The following MEMO1 variants were observed in gnomAD, a reference collection of about 807,000 sequenced individuals.
MEMO1 encodes mediator of cell motility 1.
Under a neutral mutation model 45.2 loss-of-function variants are expected in MEMO1, and 6 were observed. That is an observed-to-expected ratio of 0.13 (90% CI 0.07 to 0.26). The LOEUF is 0.26. Ranked by LOEUF, MEMO1 falls within the 10% of genes least tolerant of loss-of-function variation. The probability of loss-of-function intolerance (pLI) is 1.00; values close to 1 mark genes in which losing one functional copy is unlikely to be tolerated. For synonymous variants in MEMO1, 78 were observed against 124.3 expected, an observed-to-expected ratio of 0.63 and a Z score of 2.48; for missense variants, 184 against 370.5, an observed-to-expected ratio of 0.50 and a Z score of 4.13.
chr2:31,885,238 A>G (rs1036479111), intron 7 of MEMO1, among the ~76,000 whole-genome samples: 2 of 151,856 alleles, frequency 1.3e-5, no homozygotes, highest in Admixed American at 6.6e-5. Flanking sequence ...TCCTGCCTCA[A>G]CCTCCCGAGT....
intron 4 of MEMO1, among the ~76,000 whole-genome samples, chr2:31,927,694 A>T (rs1683313889): frequency 6.6e-6 from 1 of 151,780 alleles, no homozygotes; most frequent in Non-Finnish European, 1.5e-5. Flanking sequence ...TTCTATTAGA[A>T]AATGTATTTA....
chr2:31,907,067 A>G (rs988207459), intron 6 of MEMO1, among the ~76,000 whole-genome samples: 3 of 152,160 alleles, frequency 2.0e-5, no homozygotes, highest in Non-Finnish European at 4.4e-5. Context: ...CTTTCCTACT[A>G]CTAAATACTT....
chr2:31,984,153 G>T (rs949751051), intron 2 of MEMO1, among the ~76,000 whole-genome samples: 2 of 152,130 alleles, frequency 1.3e-5, no homozygotes, highest in Non-Finnish European at 2.9e-5. Flanking sequence ...ACAGAATACG[G>T]CAAAAGGAAG....
At chr2:31,963,131 C>G in intron 2 of MEMO1, 1 of 1,503,886 alleles carries the variant, frequency 6.6e-7, no homozygotes, top group Non-Finnish European at 8.9e-7. Context: ...ACCATTAGCT[C>G]TCCCATTTCT....
At chr2:31,909,433 G>GA (rs1680250193) in intron 6 of MEMO1, among the ~76,000 whole-genome samples, 1 of 152,034 alleles carries the variant, frequency 6.6e-6, no homozygotes, top group Non-Finnish European at 1.5e-5. Flanking sequence ...AATCAACACA[G>GA]AAAAATCAGT....
At chr2:31,946,846 A>G (rs1397378049) in intron 2 of MEMO1, among the ~76,000 whole-genome samples, 1 of 152,220 alleles carries the variant, frequency 6.6e-6, no homozygotes, top group Non-Finnish European at 1.5e-5. Context: ...ATTGCAAAAA[A>G]AAGAAAAACT....
chr2:31,868,272 A>G lies in MEMO1; in HGVS notation c.*89T>C. The stretch of plus-strand genomic sequence containing the variant: ...AGTTTGAGGTTTCAGAATCCCCCCA[A>G]ACCAGGACCAGTATCGTGGTAAAGG... On this transcript the variant is annotated 3_prime_UTR_variant, in exon 10 of 10. Transcript: ENST00000404530. 1.5e-6 allele frequency: 2 copies of G among 1,304,432 alleles called. No individual in the cohort carries two copies. Among genetic ancestry groups the G allele is most frequent in the Non-Finnish European group, 2.0e-6 (2 of 1,017,908 alleles). The allele number at this position is 1,304,432 out of a possible 1,614,324, so 80.8% of individuals were successfully genotyped here.
At chr2:31,871,900 G>A (rs1388183745) in intron 8 of MEMO1, among the ~76,000 whole-genome samples, 1 of 151,902 alleles carries the variant, frequency 6.6e-6, no homozygotes, top group African/African-American at 2.4e-5. Flanking sequence ...TATAATCCCA[G>A]CTACATGGGA....
At chr2:31,891,562 A>G (rs1275408548) in intron 7 of MEMO1, among the ~76,000 whole-genome samples, 1 of 152,140 alleles carries the variant, frequency 6.6e-6, no homozygotes. Context: ...AAGGGGAAAA[A>G]AAAAAAAGAC....
At chr2:32,002,994 T>C (rs561085639) in intron 2 of MEMO1, among the ~76,000 whole-genome samples, 3 of 152,230 alleles carry the variant, frequency 2.0e-5, no homozygotes, top group East Asian at 3.8e-4. Flanking sequence ...AAACAGTATT[T>C]AGTAACATAA....
rs552593444 is a variant in MEMO1, at chr2:31,932,531, C to T, written c.144-396G>A. Among the ~76,000 whole-genome samples, 85 of 152,084 alleles carry T rather than the reference C, an allele frequency of 5.6e-4. 1 individual carries two copies. In the South Asian group the frequency reaches 0.017, roughly 31 times the overall value. On this transcript the variant is annotated intron_variant, in intron 3 of 9. Coordinates refer to ENST00000404530, the MANE Select transcript of MEMO1 (RefSeq NM_001301833.4). The stretch of plus-strand genomic sequence containing the variant: ...ATGGCTCACTTCAGCCTCAACCTCC[C>T]AGGCTCAAGCAATCCTCCTGCCTCA...
chr2:32,006,784 G>A (rs1674134005), intron 2 of MEMO1, among the ~76,000 whole-genome samples: 1 of 151,924 alleles, frequency 6.6e-6, no homozygotes, highest in South Asian at 2.1e-4. Flanking sequence ...GGCCAATATG[G>A]TGAAACCCCA....
At chr2:31,905,051 T>C (rs1173916336) in intron 6 of MEMO1, among the ~76,000 whole-genome samples, 1 of 151,986 alleles carries the variant, frequency 6.6e-6, no homozygotes, top group Admixed American at 6.6e-5. Context: ...CTGGGCAACA[T>C]GGTGAAACCC....
intron 8 of MEMO1, among the ~76,000 whole-genome samples, chr2:31,876,188 A>G (rs906353091): frequency 2.6e-4 from 40 of 152,120 alleles, no homozygotes; most frequent in African/African-American, 9.2e-4. Flanking sequence ...CCATACTCCC[A>G]CAACACAGGC....
At chr2:31,984,608 T>C (rs1210767717) in intron 2 of MEMO1, among the ~76,000 whole-genome samples, 1 of 152,212 alleles carries the variant, frequency 6.6e-6, no homozygotes, top group Non-Finnish European at 1.5e-5. Flanking sequence ...AGAGCCATCC[T>C]GGCTAACACG....
intron 2 of MEMO1, among the ~76,000 whole-genome samples, chr2:31,984,911 T>C (rs999245459): frequency 1.3e-5 from 2 of 152,224 alleles, no homozygotes; most frequent in Non-Finnish European, 2.9e-5. Context: ...TATTTTTAGT[T>C]TTAATAAATG....
chr2:31,877,991 T>C (rs187322133), intron 8 of MEMO1, among the ~76,000 whole-genome samples: 215 of 152,302 alleles, frequency 1.4e-3, no homozygotes, highest in African/African-American at 5.0e-3. Context: ...AATATCCTGA[T>C]TGACAGAAAT....
intron 2 of MEMO1, among the ~76,000 whole-genome samples, chr2:31,994,778 T>C (rs1273924259): frequency 6.6e-6 from 1 of 151,678 alleles, no homozygotes; most frequent in Non-Finnish European, 1.5e-5. Context: ...CAAAAACCTG[T>C]CTCTACCAAA....
intron 2 of MEMO1, among the ~76,000 whole-genome samples, chr2:31,978,812 A>C (rs964298771): frequency 6.6e-6 from 1 of 152,198 alleles, no homozygotes; most frequent in Non-Finnish European, 1.5e-5. Context: ...CTTTTGAAAT[A>C]TATTTTCCCA....
Sources: allele counts gnomAD v4.1 joint callset (sites outside exome capture counted in the v4.1 genomes callset), GRCh38; gene constraint gnomAD v4.1.1; transcripts MANE v1.5; gene names NCBI Gene and HGNC (gene_info 2026-07-23, HGNC 2026-07-21).